ZNF623: variants seen among roughly 807,000 people sequenced by gnomAD.
The protein encoded by ZNF623 is zinc finger protein 623.
ZNF623 carries 16 observed loss-of-function variants against 24.0 expected under a neutral mutation model. That is an observed-to-expected ratio of 0.67 (90% CI 0.45 to 1.01). The LOEUF (loss-of-function observed/expected upper bound fraction) is 1.01. Ranked by LOEUF, ZNF623 falls within the 50% of genes least tolerant of loss-of-function variation. ZNF623 has a pLI of 0.00. For missense variants in ZNF623, 566 were observed against 606.5 expected, an observed-to-expected ratio of 0.93 and a Z score of 0.70; for synonymous variants, 224 against 219.8, an observed-to-expected ratio of 1.02 and a Z score of -0.17.
intron 1 of ZNF623, chr8:143,636,398 G>C (rs11136309): frequency 0.49 from 74,136 of 152,314 alleles, 21,172 homozygotes; most frequent in Non-Finnish European, 0.66. Flanking sequence ...CTGGGGTCTT[G>C]TCCCTGAGGA....
chr8:143,646,257 G>C (rs1191409263), intron 1 of ZNF623, among the ~76,000 whole-genome samples: 1 of 152,132 alleles, frequency 6.6e-6, no homozygotes, highest in Non-Finnish European at 1.5e-5. Context: ...TGCCCAGGCT[G>C]GTCTTGGACT....
Position 143,639,203 on chromosome 8 carries a change from T to A in ZNF623, c.-96+3058T>A, listed in dbSNP as rs191479210. On this transcript the variant is annotated intron_variant, in intron 1 of 1. Coordinates refer to ENST00000526926, the MANE Select transcript of ZNF623 (RefSeq NM_001261843.2). ...CACCATGTCCGGCCCACCCCCTTTT[T>A]AATTTATTTTTATTTTTATTTATTT... Among the ~76,000 whole-genome samples the A allele has an allele frequency of 7.5e-3, 1,122 of 149,306 alleles. 8 individuals are homozygous for A. The highest frequency in any genetic ancestry group is 0.012 in the Non-Finnish European group (803 of 67,470).
In ZNF623 at chr8:143,650,999, A is replaced by C; in HGVS notation, c.1007A>C (p.Glu336Ala). 1 of 1,614,134 alleles carries C rather than the reference A, an allele frequency of 6.2e-7. No individual in the cohort carries two copies. Among genetic ancestry groups the C allele is most frequent in the South Asian group, 1.1e-5 (1 of 91,078 alleles). ...ATTCACACTGGAGAGAAACTCTATG[A>C]ATGTAACGAGTGTGGGAAAGCTTTC... ...QRIHTGEKLY[E>A]CNECGKAFFL... Residue 336 changes from glutamate (E) to alanine (A), a missense_variant, in exon 2 of 2, where the codon GAA becomes GCA. By Grantham distance (107) the Glu-to-Ala change is moderately radical (BLOSUM62 -1). Transcript: ENST00000526926. The surrounding 1 kb of genome is among the most constrained non-coding windows in gnomAD (Gnocchi z 5.2).
chr8:143,645,134 A>G, intron 1 of ZNF623, among the ~76,000 whole-genome samples: 1 of 140,278 alleles, frequency 7.1e-6, no homozygotes, highest in African/African-American at 2.7e-5. Flanking sequence ...ATCTCAAAAA[A>G]AAAAAAAGAG....
At chr8:143,645,171 T>G (rs182013374) in intron 1 of ZNF623, among the ~76,000 whole-genome samples, 1 of 141,370 alleles carries the variant, frequency 7.1e-6, no homozygotes, top group Non-Finnish European at 1.5e-5. Flanking sequence ...CGGCCGAGCG[T>G]GGTGGCTCAT....
In ZNF623 at chr8:143,652,122, ACT is replaced by A. The variant is rs1275624045; in HGVS notation, c.*642_*643del. The stretch of plus-strand genomic sequence containing the variant: ...TGAAGGGTCTCTTCTCAGCTAATTA[ACT>A]CTGAATCATGGTTCAAGACAAGCCT... On this transcript the variant is annotated 3_prime_UTR_variant, in exon 2 of 2. Transcript: ENST00000526926. 5 of 167,110 alleles carry A rather than the reference ACT, an allele frequency of 3.0e-5. No individual in the cohort carries two copies. Among genetic ancestry groups the A allele is most frequent in the Non-Finnish European group, 7.3e-5 (5 of 68,136 alleles). The allele number at this position is 167,110 out of a possible 1,614,324, so 10.4% of individuals were successfully genotyped here.
intron 1 of ZNF623, among the ~76,000 whole-genome samples, chr8:143,643,928 C>A (rs1815115583): frequency 1.3e-5 from 2 of 152,210 alleles, no homozygotes; most frequent in African/African-American, 2.4e-5. Flanking sequence ...GGTAGGCTTG[C>A]AGTTTCTCCA....
At chr8:143,639,866 G>A (rs1307899195) in intron 1 of ZNF623, among the ~76,000 whole-genome samples, 1 of 152,206 alleles carries the variant, frequency 6.6e-6, no homozygotes, top group Non-Finnish European at 1.5e-5. Flanking sequence ...GGAGGGGAGA[G>A]AGTGGACAGC....
chr8:143,644,237 C>T (rs953299617), intron 1 of ZNF623, among the ~76,000 whole-genome samples: 10 of 152,104 alleles, frequency 6.6e-5, no homozygotes, highest in Admixed American at 2.0e-4. Context: ...AGGCTGGTCT[C>T]GAACTCCTGA....
chr8:143,651,431 T>A lies in ZNF623; in HGVS notation c.1439T>A (p.Ile480Lys). The A allele has an allele frequency of 6.2e-7, 1 of 1,610,210 alleles. No individual in the cohort carries two copies. The highest frequency in any genetic ancestry group is 8.5e-7 in the Non-Finnish European group (1 of 1,178,658). Residue 480 changes from isoleucine (I) to lysine (K), a missense_variant, in exon 2 of 2, where the codon ATA (isoleucine) becomes AAA (lysine). This residue lies in a region of ZNF623 where 136 missense variants were observed against 131.9 expected (regional missense o/e 1.03). Coordinates refer to ENST00000526926, the MANE Select transcript of ZNF623 (RefSeq NM_001261843.2). Reference protein sequence around the residue: ...QEGLSLSKAPIHLGERSVDKG... With the variant: ...QEGLSLSKAPKHLGERSVDKG... Reference sequence around the variant, plus strand: ...GGACTCTCCTTGAGTAAGGCCCCCATACATTTGGGTGAGAGGTCTGTAGAT... The same window carrying A: ...GGACTCTCCTTGAGTAAGGCCCCCAAACATTTGGGTGAGAGGTCTGTAGAT...
At position 143,650,340 on chromosome 8, in the gene ZNF623, T is replaced by A. The variant is rs1281517793; in HGVS notation, c.348T>A (p.Cys116Ter). 2 of 1,614,178 alleles carry A rather than the reference T, an allele frequency of 1.2e-6. No homozygotes were observed. Among genetic ancestry groups the A allele is most frequent in the Non-Finnish European group, 1.7e-6 (2 of 1,180,032 alleles). ...AGAAACCTTACACGTGCGATCAGTG[T>A]GGGAAAGGCTTTGGCCAGAGCTCAC... ...AGEKPYTCDQCGKGFGQSSHL... is the reference protein window; with the variant it reads ...AGEKPYTCDQ The change falls in exon 2 of 2, where the codon TGT (cysteine) becomes TGA (stop). Residue 116 changes from cysteine to a stop codon, truncating the protein, a stop_gained. Transcript: ENST00000526926. LOFTEE classifies it low-confidence loss of function (END_TRUNC). The surrounding 1 kb of genome is among the most constrained non-coding windows in gnomAD (Gnocchi z 5.2).
chr8:143,648,526 A>T (rs1170222387), intron 1 of ZNF623, among the ~76,000 whole-genome samples: 1 of 151,988 alleles, frequency 6.6e-6, no homozygotes, highest in African/African-American at 2.4e-5. Context: ...TTGGTGGGAC[A>T]TGGGGCCCAT....
rs916972693 is a variant in ZNF623 at position 143,653,631 on chromosome 8, G to C, written c.*2148G>C. 6.0e-6 allele frequency: 1 copy of C among 167,068 alleles called. No individual in the cohort carries two copies. The highest frequency in any genetic ancestry group is 2.4e-5 in the African/African-American group (1 of 41,444). The allele number at this position is 167,068 out of a possible 1,614,324, so 10.3% of individuals were successfully genotyped here. On this transcript the variant is annotated 3_prime_UTR_variant, in exon 2 of 2. Transcript: ENST00000526926. The stretch of plus-strand genomic sequence containing the variant: ...AACCACTTTCTATCCTCATAGATTA[G>C]TGTTGCTTGGTTTAGAGCCTCATAC...
Position 143,639,996 on chromosome 8 carries a change from TAAAGG to T in ZNF623, c.-96+3854_-96+3858del, listed in dbSNP as rs563600356. On this transcript the variant is annotated intron_variant, in intron 1 of 1. Transcript: ENST00000526926. ...GTAATTTGATGGGGTTTCTAACACT[TAAAGG>T]AAGAAGGAAACAGGAATGCTAGGGA... 6.6e-5 allele frequency among the ~76,000 whole-genome samples: 10 copies of T among 152,284 alleles called. No homozygotes were observed. The East Asian group carries it at 1.7e-3, about 26-fold the overall frequency.
chr8:143,637,141 GCTT>G (rs1401134885), intron 1 of ZNF623, among the ~76,000 whole-genome samples: 1 of 152,192 alleles, frequency 6.6e-6, no homozygotes. Flanking sequence ...CTGACCTTAC[GCTT>G]CTTACCTCCC....
rs541775056 is a variant in ZNF623 at position 143,639,269 on chromosome 8, G to A, written c.-96+3124G>A. Among the ~76,000 whole-genome samples, 13 of 152,178 alleles carry A rather than the reference G, an allele frequency of 8.5e-5. No individual in the cohort carries two copies. In the East Asian group the frequency reaches 2.5e-3, roughly 29 times the overall value. On this transcript the variant is annotated intron_variant, in intron 1 of 1. Coordinates refer to ENST00000526926, the MANE Select transcript of ZNF623 (RefSeq NM_001261843.2). ...TTTCGCTCTTGTTGCCCAGGCTGGA[G>A]TGCAATGGCGTGATCTCAGCTCACT...
chr8:143,640,051 AG>A (rs1330032191), intron 1 of ZNF623, among the ~76,000 whole-genome samples: 8 of 152,244 alleles, frequency 5.3e-5, no homozygotes, highest in Admixed American at 5.2e-4. Context: ...CCAAGTGTCC[AG>A]TGGACCTTTC....
Position 143,651,942 on chromosome 8 carries a change from G to A in ZNF623, c.*459G>A, listed in dbSNP as rs1815336060. ...CCTGTTGTCCTGAGGAGGAACTCCA[G>A]GCCTCCCATCGTGTGCCCTAAGGCC... On this transcript the variant is annotated 3_prime_UTR_variant, in exon 2 of 2. Coordinates refer to ENST00000526926, the MANE Select transcript of ZNF623 (RefSeq NM_001261843.2). The A allele has an allele frequency of 5.9e-6, 1 of 170,084 alleles. No homozygotes were observed. Among genetic ancestry groups the A allele is most frequent in the Non-Finnish European group, 1.4e-5 (1 of 70,202 alleles). The allele number at this position is 170,084 out of a possible 1,614,324, so 10.5% of individuals were successfully genotyped here.
intron 1 of ZNF623, among the ~76,000 whole-genome samples, chr8:143,649,139 G>A (rs1181937995): frequency 9.2e-5 from 14 of 151,994 alleles, no homozygotes; most frequent in Non-Finnish European, 1.3e-4. Flanking sequence ...TTAGCCGGGC[G>A]TGGTGGCGGG....
Sources: gnomAD v4.1 joint callset for allele counts (sites outside exome capture counted in the v4.1 genomes callset) on GRCh38, gnomAD v4.1.1 for gene constraint, gnomAD v4.1.1 regional missense constraint, Gnocchi (gnomAD v3.1) non-coding constraint, MANE v1.5 for transcripts, NCBI Gene and HGNC (gene_info 2026-07-23, HGNC 2026-07-21) for gene names.